Variants in MSANTD1 observed in about 807,000 individuals in gnomAD.
The protein encoded by MSANTD1 is myb/SANT-like DNA-binding domain-containing protein 1.
MSANTD1 carries 7 observed loss-of-function variants against 24.2 expected under a neutral mutation model. The ratio of observed to expected loss-of-function variants is 0.29; its 90% confidence interval spans 0.16 to 0.54. The LOEUF (loss-of-function observed/expected upper bound fraction) is 0.54, where lower values mean the gene tolerates loss of function less well. MSANTD1 is among the 20% of genes least tolerant of loss of function. The probability of loss-of-function intolerance (pLI) is 0.94; values close to 1 mark genes in which losing one functional copy is unlikely to be tolerated. For synonymous variants in MSANTD1, 177 were observed against 181.1 expected, an observed-to-expected ratio of 0.98 and a Z score of 0.18; for missense variants, 384 against 408.2, an observed-to-expected ratio of 0.94 and a Z score of 0.51.
At position 3,253,497 on chromosome 4, in the gene MSANTD1, T is replaced by G; in HGVS notation, c.596+15T>G. The stretch of plus-strand genomic sequence containing the variant: ...CTTAAGTTCAGGTAGTGTGTCTGCT[T>G]GTCCTTCCCCTGCCCTGGGGTATCT... On this transcript the variant is annotated intron_variant, in intron 2 of 2. Coordinates refer to ENST00000438480, the MANE Select transcript of MSANTD1 (RefSeq NM_001042690.2). The G allele has an allele frequency of 1.3e-6, 2 of 1,505,986 alleles. No individual in the cohort carries two copies. Among genetic ancestry groups the G allele is most frequent in the Non-Finnish European group, 1.8e-6 (2 of 1,120,846 alleles). 93.3% of individuals were successfully genotyped at this position (1,505,986 alleles called of 1,614,324 possible). A position where few individuals can be genotyped will look rare whatever the true frequency, so the allele number is the denominator to read the frequency against.
chr4:3,251,283 C>G (rs1462249451), intron 1 of MSANTD1, among the ~76,000 whole-genome samples: 4 of 152,212 alleles, frequency 2.6e-5, no homozygotes, highest in African/African-American at 4.8e-5. Flanking sequence ...GGCACCACCT[C>G]CCTGGCTGGC....
At chr4:3,247,274 A>C (rs1722059537), upstream of MSANTD1, among the ~76,000 whole-genome samples, 1 of 152,140 alleles carries the variant, frequency 6.6e-6, no homozygotes, top group South Asian at 2.1e-4. Flanking sequence ...GGACATGACT[A>C]AGGTCCATGC....
chr4:3,252,056 C>G (rs1385278818), intron 1 of MSANTD1, among the ~76,000 whole-genome samples: 1 of 152,244 alleles, frequency 6.6e-6, no homozygotes. Flanking sequence ...AATGGCCACA[C>G]CCTGGCAGGT....
At position 3,249,483 on chromosome 4, in the gene MSANTD1, C is replaced by A; in HGVS notation, c.261C>A (p.Gly87=). The change falls in exon 1 of 3, where the codon GGC becomes GGA. Residue 87 remains glycine, a synonymous_variant. Transcript: ENST00000438480. ...CCAGCAAGCTCTTCGAGATGACCGG[C>A]GAGCGCAGGCTGGGCGAGGAGATCA... is the stretch of plus-strand genomic sequence containing the variant. ...KMASKLFEMT[G]ERRLGEEIKI... The A allele has an allele frequency of 1.2e-6, 2 of 1,612,048 alleles. No homozygotes were observed. Among genetic ancestry groups the A allele is most frequent in the Non-Finnish European group, 1.7e-6 (2 of 1,179,686 alleles).
Position 3,255,863 on chromosome 4 carries a change from C to T in MSANTD1, c.735C>T (p.Arg245=), listed in dbSNP as rs772903291. 1.6e-5 allele frequency: 24 copies of T among 1,545,362 alleles called. No individual in the cohort carries two copies. Among genetic ancestry groups the T allele is most frequent in the Non-Finnish European group, 2.0e-5 (23 of 1,146,472 alleles). The change falls in exon 3 of 3, where the codon CGC becomes CGT. Residue 245 remains arginine (R), a synonymous_variant. Transcript: ENST00000438480. ...TGGAGGAGACCTGCCGCGAGGTGCG[C>T]CGCGTGCTGGACCAGCAGCACATCC... ...RAVEETCREV[R]RVLDQQHILQ...
upstream of MSANTD1, among the ~76,000 whole-genome samples, chr4:3,246,983 A>G (rs1384001052): frequency 6.6e-6 from 1 of 152,072 alleles, no homozygotes; most frequent in Non-Finnish European, 1.5e-5. Flanking sequence ...TCGGGCAGGC[A>G]GGGGTGTAGG....
intron 2 of MSANTD1, among the ~76,000 whole-genome samples, chr4:3,254,466 C>A (rs1353581822): frequency 6.6e-6 from 1 of 152,222 alleles, no homozygotes; most frequent in Admixed American, 6.5e-5. Context: ...CTGCCTGGGG[C>A]CTTGCACAGG....
Position 3,253,243 on chromosome 4 carries a change from G to C in MSANTD1, c.357G>C (p.Pro119=). The part of the protein sequence containing the change: ...LKCMTDSESA[P]PDWPYYLAID... ...GCATGACAGATAGCGAGTCCGCCCC[G>C]CCCGACTGGCCCTATTACCTAGCCA... Residue 119 remains proline (P), a synonymous_variant, in exon 2 of 3, where the codon CCG becomes CCC. Transcript: ENST00000438480. The C allele has an allele frequency of 6.3e-7, 1 of 1,583,154 alleles. No homozygotes were observed.
At chr4:3,253,148 A>G in intron 1 of MSANTD1, 59 bp from the exon 2 acceptor site, 2 of 1,456,832 alleles carry the variant, frequency 1.4e-6, no homozygotes, top group Non-Finnish European at 1.8e-6. Context: ...GAGGCTGGGC[A>G]GGACAGGGGC....
chr4:3,249,654 C>G, intron 1 of MSANTD1, 112 bp downstream of exon 1: 2 of 1,091,032 alleles, frequency 1.8e-6, no homozygotes, highest in Non-Finnish European at 2.6e-6. Context: ...TCGTGGCCTG[C>G]CTGTCGGTCT....
Position 3,249,177 on chromosome 4 carries a change from G to T in MSANTD1, c.-46G>T. 2 of 1,324,750 alleles carry T rather than the reference G, an allele frequency of 1.5e-6. No homozygotes were observed. Among genetic ancestry groups the T allele is most frequent in the South Asian group, 4.3e-5 (2 of 46,024 alleles). 82.1% of individuals were successfully genotyped at this position (1,324,750 alleles called of 1,614,324 possible). A position where few individuals can be genotyped will look rare whatever the true frequency, so the allele number is the denominator to read the frequency against. ...GCCTGTCAGATGTAGGCCCCATTTT[G>T]AGCGTGGAGCTGCCTTCGAGCGAGC... On this transcript the variant is annotated 5_prime_UTR_variant, in exon 1 of 3. Transcript: ENST00000438480.
upstream of MSANTD1, among the ~76,000 whole-genome samples, chr4:3,246,314 G>A (rs1009193600): frequency 1.3e-5 from 2 of 152,226 alleles, no homozygotes; most frequent in Non-Finnish European, 2.9e-5. Flanking sequence ...CCCTCAGTGG[G>A]ACGCCCACCT....
chr4:3,255,600 G>A (rs1007751428), intron 2 of MSANTD1, 125 bp from the exon 3 acceptor site: 2 of 1,256,840 alleles, frequency 1.6e-6, no homozygotes, highest in Non-Finnish European at 2.1e-6. Context: ...CTGAGTAAGT[G>A]ACCTGACTCC....
upstream of MSANTD1, chr4:3,248,305 G>C (rs1475143605): frequency 6.6e-6 from 1 of 152,376 alleles, no homozygotes; most frequent in Non-Finnish European, 1.5e-5. Flanking sequence ...CCCGCAGCCT[G>C]GGCCTCGAGC....
chr4:3,251,845 A>G (rs2110320822), intron 1 of MSANTD1, among the ~76,000 whole-genome samples: 1 of 152,156 alleles, frequency 6.6e-6, no homozygotes, highest in Middle Eastern at 3.4e-3. Context: ...TTCTCCAAAG[A>G]GTGGGCTGGC....
Position 3,249,440 on chromosome 4 carries a change from A to G in MSANTD1, c.218A>G (p.Lys73Arg). The stretch of plus-strand genomic sequence containing the variant: ...CTCAAGCAGACCAAGCGCAACGCCA[A>G]GGTGTACGAGAAGATGGCCAGCAAG... ...DELKQTKRNA[K>R]VYEKMASKLF... The change falls in exon 1 of 3, where the codon AAG (lysine) becomes AGG (arginine). Residue 73 changes from lysine (K) to arginine (R), a missense_variant. Coordinates refer to ENST00000438480, the MANE Select transcript of MSANTD1 (RefSeq NM_001042690.2). 1 of 1,610,740 alleles carries G rather than the reference A, an allele frequency of 6.2e-7. No individual in the cohort carries two copies. Among genetic ancestry groups the G allele is most frequent in the East Asian group, 2.2e-5 (1 of 44,810 alleles).
upstream of MSANTD1, among the ~76,000 whole-genome samples, chr4:3,245,795 TG>T (rs111926367): frequency 0.012 from 1,821 of 152,230 alleles, 41 homozygotes; most frequent in African/African-American, 0.042. Context: ...CCACATCCTC[TG>T]GGGGGGCCCG....
Position 3,249,412 on chromosome 4 carries a change from G to A in MSANTD1, c.190G>A (p.Glu64Lys), listed in dbSNP as rs757753092. The change falls in exon 1 of 3, where the codon GAG becomes AAG. Residue 64 changes from glutamate to lysine, a missense_variant. Transcript: ENST00000438480. ...LMLVWEEFFD[E>K]LKQTKRNAKV... is the part of the protein sequence containing the mutation. ...GCTGGTCTGGGAGGAGTTCTTCGAC[G>A]AGCTCAAGCAGACCAAGCGCAACGC... The A allele has an allele frequency of 6.2e-6, 10 of 1,604,648 alleles. No individual in the cohort carries two copies. The highest frequency in any genetic ancestry group is 3.4e-5 in the South Asian group (3 of 88,876).
chr4:3,254,831 C>T lies in MSANTD1; in HGVS notation c.597-894C>T, dbSNP rs537049109. 3.9e-5 allele frequency among the ~76,000 whole-genome samples: 6 copies of T among 152,330 alleles called. No homozygotes were observed. In the East Asian group the frequency reaches 5.8e-4, roughly 15 times the overall value. ...CTTCTGCCTCTCTACCAAGGTGTGC[C>T]GGCCCCATTTCTAGGCCGCCGGGAG... On this transcript the variant is annotated intron_variant, in intron 2 of 2. Transcript: ENST00000438480.
Sources: gnomAD v4.1 joint callset for allele counts (sites outside exome capture counted in the v4.1 genomes callset) on GRCh38, gnomAD v4.1.1 for gene constraint, MANE v1.5 for transcripts, NCBI Gene and HGNC (gene_info 2026-07-23, HGNC 2026-07-21) for gene names.